The following SH3GL2 variants were observed in gnomAD, a reference collection of about 807,000 sequenced individuals.
SH3GL2 encodes the protein endophilin-A1.
Under a neutral mutation model 46.0 loss-of-function variants are expected in SH3GL2, and 24 were observed. The ratio of observed to expected loss-of-function variants is 0.52; its 90% CI spans 0.38 to 0.73. SH3GL2 has a LOEUF of 0.73. Ranked by LOEUF, SH3GL2 falls within the 30% of genes least tolerant of loss-of-function variation. The pLI, the probability that SH3GL2 is intolerant of heterozygous loss-of-function variation, is 0.00. For synonymous variants in SH3GL2, 196 were observed against 147.1 expected (o/e 1.33, Z -2.40); for missense variants, 413 against 424.2 (o/e 0.97, Z 0.23).
At chr9:17,769,721 A>T (rs1046711985) in intron 3 of SH3GL2, among the ~76,000 whole-genome samples, 11 of 151,988 alleles carry the variant, frequency 7.2e-5, no homozygotes, top group African/African-American at 2.7e-4. Context: ...CAACATTTGG[A>T]ATTATCTTCT....
intron 1 of SH3GL2, among the ~76,000 whole-genome samples, chr9:17,691,464 A>AT (rs1821075421): frequency 6.6e-6 from 1 of 152,070 alleles, no homozygotes; most frequent in South Asian, 2.1e-4. Context: ...GCTAACCTTA[A>AT]TTTTTTGGGC....
chr9:17,765,708 A>G (rs1823299640), intron 3 of SH3GL2, among the ~76,000 whole-genome samples: 1 of 152,076 alleles, frequency 6.6e-6, no homozygotes, highest in Non-Finnish European at 1.5e-5. Flanking sequence ...CTTGGCTCCA[A>G]CCACATTAGG....
Position 17,789,493 on chromosome 9 carries a change from A to G in SH3GL2, c.567A>G (p.Lys189=). The change falls in exon 6 of 9, where the codon AAA becomes AAG. Residue 189 remains lysine, a synonymous_variant. Coordinates refer to ENST00000380607, the MANE Select transcript of SH3GL2 (RefSeq NM_003026.5). ...AAGAGCTTCGTCAAGCTCTAGAGAA[A>G]TTTGATGAGTCTAAGGAAATTGCTG... is the stretch of plus-strand genomic sequence containing the variant. ...PDEELRQALE[K]FDESKEIAES... The G allele has an allele frequency of 6.2e-7, 1 of 1,613,500 alleles. No homozygotes were observed. The highest frequency in any genetic ancestry group is 1.1e-5 in the South Asian group (1 of 91,072).
At chr9:17,680,322 G>A (rs919098377) in intron 1 of SH3GL2, among the ~76,000 whole-genome samples, 8 of 152,046 alleles carry the variant, frequency 5.3e-5, no homozygotes, top group African/African-American at 1.2e-4. Flanking sequence ...CTATTAGTCT[G>A]TTCAGGGATT....
At chr9:17,774,430 A>G (rs747218884) in intron 3 of SH3GL2, among the ~76,000 whole-genome samples, 1 of 152,080 alleles carries the variant, frequency 6.6e-6, no homozygotes, top group African/African-American at 2.4e-5. Context: ...AGGTTTTCAT[A>G]TATGACTTGT....
At chr9:17,671,203 G>A (rs1650760663) in intron 1 of SH3GL2, among the ~76,000 whole-genome samples, 1 of 151,910 alleles carries the variant, frequency 6.6e-6, no homozygotes, top group Admixed American at 6.5e-5. Context: ...CAGCTTTTAA[G>A]TCATTCATTT....
intron 1 of SH3GL2, among the ~76,000 whole-genome samples, chr9:17,600,707 A>G (rs559800371): frequency 6.6e-6 from 1 of 152,280 alleles, no homozygotes; most frequent in South Asian, 2.1e-4. Context: ...ATGTTGTACT[A>G]CTTTAGTTTT....
intron 1 of SH3GL2, among the ~76,000 whole-genome samples, chr9:17,693,540 T>G (rs573822870): frequency 6.6e-6 from 1 of 151,958 alleles, no homozygotes; most frequent in Non-Finnish European, 1.5e-5. Flanking sequence ...ATGCGAATGG[T>G]GTAAAGCTTC....
chr9:17,639,826 T>A (rs550556791), intron 1 of SH3GL2, among the ~76,000 whole-genome samples: 1 of 152,346 alleles, frequency 6.6e-6, no homozygotes, highest in South Asian at 2.1e-4. Context: ...AAAAGACATG[T>A]TGAATCTTAA....
At chr9:17,717,418 C>G (rs956248019) in intron 1 of SH3GL2, among the ~76,000 whole-genome samples, 4 of 145,746 alleles carry the variant, frequency 2.7e-5, no homozygotes, top group Non-Finnish European at 2.9e-5. Flanking sequence ...ACAGTAGCCC[C>G]ACTCTTATTT....
chr9:17,745,145 G>A (rs780820995), intron 1 of SH3GL2, among the ~76,000 whole-genome samples: 4 of 152,104 alleles, frequency 2.6e-5, no homozygotes, highest in Non-Finnish European at 5.9e-5. Context: ...AATAATAAAT[G>A]TTCTATATAG....
intron 1 of SH3GL2, among the ~76,000 whole-genome samples, chr9:17,662,610 C>CGTCTTTT (rs1447795969): frequency 6.6e-6 from 1 of 151,958 alleles, no homozygotes; most frequent in Non-Finnish European, 1.5e-5. Context: ...TGTTTGACCC[C>CGTCTTTT]GTCTTTTGGC....
chr9:17,717,829 T>G (rs767342462), intron 1 of SH3GL2, among the ~76,000 whole-genome samples: 4 of 152,124 alleles, frequency 2.6e-5, no homozygotes, highest in Non-Finnish European at 5.9e-5. Context: ...TAGTCAAAGA[T>G]GTACTAGCAG....
At chr9:17,707,526 T>C (rs1419312563) in intron 1 of SH3GL2, among the ~76,000 whole-genome samples, 1 of 152,088 alleles carries the variant, frequency 6.6e-6, no homozygotes, top group Admixed American at 6.6e-5. Context: ...TGTGCTGTAC[T>C]AACTTTGTGC....
chr9:17,785,563 A>G (rs1475367898), intron 3 of SH3GL2, among the ~76,000 whole-genome samples: 1 of 152,196 alleles, frequency 6.6e-6, no homozygotes, highest in Non-Finnish European at 1.5e-5. Context: ...TCCTAGGTTA[A>G]TGTGTAATCC....
At chr9:17,596,394 C>T (rs1818571749) in intron 1 of SH3GL2, among the ~76,000 whole-genome samples, 2 of 151,796 alleles carry the variant, frequency 1.3e-5, no homozygotes. Context: ...AGCATTGACA[C>T]TGTTTTTTCG....
intron 1 of SH3GL2, among the ~76,000 whole-genome samples, chr9:17,606,171 C>A (rs540500645): frequency 1.3e-4 from 20 of 152,270 alleles, no homozygotes; most frequent in African/African-American, 4.1e-4. Context: ...CAGCTCACTG[C>A]AACCTCTGCC....
At chr9:17,586,633 A>G (rs1240720059) in intron 1 of SH3GL2, among the ~76,000 whole-genome samples, 1 of 152,132 alleles carries the variant, frequency 6.6e-6, no homozygotes, top group Non-Finnish European at 1.5e-5. Flanking sequence ...GGGATCAAAA[A>G]TGTCCTTCAC....
chr9:17,597,031 A>T (rs919026497), intron 1 of SH3GL2, among the ~76,000 whole-genome samples: 5 of 152,184 alleles, frequency 3.3e-5, no homozygotes, highest in African/African-American at 9.7e-5. Flanking sequence ...GAGTGAAGCT[A>T]ACTTTTCCAA....
Sources: allele counts gnomAD v4.1 joint callset (sites outside exome capture counted in the v4.1 genomes callset), GRCh38; gene constraint gnomAD v4.1.1; transcripts MANE v1.5; gene names NCBI Gene and HGNC (gene_info 2026-07-23, HGNC 2026-07-21).